PPT1: variants seen among roughly 807,000 people sequenced by gnomAD.
PPT1 encodes the protein ceroid-palmitoyl-palmitoyl-protein thioesterase 1.
A neutral mutation model predicts 44.0 loss-of-function variants in PPT1; 24 were observed. The observed-to-expected ratio is 0.54, with a 90% confidence interval of 0.39 to 0.77. The LOEUF (loss-of-function observed/expected upper bound fraction) is 0.77. PPT1 is among the 30% of genes least tolerant of loss of function. The pLI, the probability that PPT1 is intolerant of heterozygous loss-of-function variation, is 0.00. For missense variants in PPT1, 341 were observed against 378.8 expected, an observed-to-expected ratio of 0.90 and a Z score of 0.83; for synonymous variants, 148 against 140.2, an observed-to-expected ratio of 1.06 and a Z score of -0.39.
At chr1:40,080,968 A>G (rs1008175448) in intron 5 of PPT1, among the ~76,000 whole-genome samples, 1 of 152,210 alleles carries the variant, frequency 6.6e-6, no homozygotes, top group African/African-American at 2.4e-5. Context: ...GTCTGTCAAC[A>G]AGACACCTTG....
intron 5 of PPT1, among the ~76,000 whole-genome samples, chr1:40,084,862 C>T (rs1256328239): frequency 6.6e-5 from 10 of 152,234 alleles, no homozygotes; most frequent in South Asian, 2.1e-4. Flanking sequence ...CTGTCATGCC[C>T]GGACAGGGCC....
chr1:40,076,652 C>T (rs1355322823), intron 8 of PPT1, 190 bp downstream of exon 8: 1 of 1,417,958 alleles, frequency 7.1e-7, no homozygotes, highest in African/African-American at 1.4e-5. Context: ...AACCCAGTGC[C>T]TAATAAGCTA....
chr1:40,079,033 C>T (rs1648785264), intron 6 of PPT1, among the ~76,000 whole-genome samples: 1 of 152,036 alleles, frequency 6.6e-6, no homozygotes, highest in South Asian at 2.1e-4. Flanking sequence ...TCTATTGTTC[C>T]CATCTTTATA....
At chr1:40,078,854 T>C (rs751715215) in intron 6 of PPT1, 196 bp from the exon 7 acceptor site, 7 of 587,032 alleles carry the variant, frequency 1.2e-5, no homozygotes, top group African/African-American at 1.9e-5. Flanking sequence ...AAACAAAATA[T>C]TTTATTTTAG....
rs777694176 is a variant in PPT1 at position 40,074,210 on chromosome 1, TAAA to T, written c.799-30_799-28del. ...TGCAGAAGGAAAGGCCATAATTAAT[TAAA>T]AAGCTTAATGAAGTTTTGGAGTAAA... is the stretch of plus-strand genomic sequence containing the variant. On this transcript the variant is annotated intron_variant, in intron 8 of 8. Transcript: ENST00000642050. 4.3e-6 allele frequency: 7 copies of T among 1,613,640 alleles called. No homozygotes were observed. In the South Asian group the frequency reaches 6.6e-5, roughly 15 times the overall value.
chr1:40,085,394 A>G (rs1029077440), intron 5 of PPT1, among the ~76,000 whole-genome samples: 1 of 152,104 alleles, frequency 6.6e-6, no homozygotes, highest in Admixed American at 6.5e-5. Flanking sequence ...TCTTGTATCC[A>G]ATAAATATCA....
intron 5 of PPT1, among the ~76,000 whole-genome samples, chr1:40,083,486 A>T (rs1258567619): frequency 6.6e-6 from 1 of 152,164 alleles, no homozygotes; most frequent in Non-Finnish European, 1.5e-5. Flanking sequence ...AAAAAAGTTT[A>T]AAAACAAACT....
rs1045404133 is a variant in PPT1, at chr1:40,074,328, G to T, written c.799-145C>A. The T allele has an allele frequency of 3.9e-5, 37 of 947,270 alleles. No individual in the cohort carries two copies. The African/African-American group carries it at 5.0e-4, about 13-fold the overall frequency. 58.7% of individuals were successfully genotyped at this position (947,270 alleles called of 1,614,324 possible). On this transcript the variant is annotated intron_variant, in intron 8 of 8. Transcript: ENST00000642050. ...GGTGTATTTTCAAAAATGCCAAAAAGAATATCTCCTACTTCTTTTTCTTTC... is the reference window on the plus strand; with the variant it reads ...GGTGTATTTTCAAAAATGCCAAAAATAATATCTCCTACTTCTTTTTCTTTC...
At chr1:40,093,975 T>C (rs1315008119) in intron 1 of PPT1, 5 of 716,566 alleles carry the variant, frequency 7.0e-6, no homozygotes, top group South Asian at 1.5e-5. Context: ...GGAGGATTGC[T>C]TGAGGCCAAG....
At chr1:40,088,142 AC>A (rs1649359821) in intron 5 of PPT1, among the ~76,000 whole-genome samples, 1 of 149,112 alleles carries the variant, frequency 6.7e-6, no homozygotes, top group Admixed American at 6.7e-5. Context: ...TACCATCAAA[AC>A]TTTTTTTTTT....
At chr1:40,085,092 TC>T (rs1649186943) in intron 5 of PPT1, among the ~76,000 whole-genome samples, 2 of 152,190 alleles carry the variant, frequency 1.3e-5, no homozygotes, top group African/African-American at 4.8e-5. Context: ...CCTGCAGTTA[TC>T]CGGAGGCCCA....
At chr1:40,096,016 G>A (rs963087010) in intron 1 of PPT1, among the ~76,000 whole-genome samples, 2 of 152,044 alleles carry the variant, frequency 1.3e-5, no homozygotes, top group East Asian at 1.9e-4. Context: ...TTCCAGCCAC[G>A]CTGATCTGAA....
chr1:40,083,508 C>A (rs1649093081), intron 5 of PPT1, among the ~76,000 whole-genome samples: 1 of 151,996 alleles, frequency 6.6e-6, no homozygotes, highest in African/African-American at 2.4e-5. Context: ...AAAAAACAAA[C>A]AAATATTACA....
rs1648333658 is a variant in PPT1 at position 40,073,023 on chromosome 1, G to C, written c.*1038C>G. On this transcript the variant is annotated 3_prime_UTR_variant, in exon 9 of 9. Transcript: ENST00000642050. ...ACGTTAGTTTTGTTTACTGTAACAG[G>C]AATTCTCAGGAGTCCTTAGACACTC... is the stretch of plus-strand genomic sequence containing the variant. 1 of 152,228 alleles carries C rather than the reference G, an allele frequency of 6.6e-6. No homozygotes were observed. Among genetic ancestry groups the C allele is most frequent in the South Asian group, 2.1e-4 (1 of 4,830 alleles). 9.4% of individuals were successfully genotyped at this position (152,228 alleles called of 1,614,324 possible).
chr1:40,085,060 G>A (rs756377576), intron 5 of PPT1, among the ~76,000 whole-genome samples: 1 of 152,118 alleles, frequency 6.6e-6, no homozygotes, highest in Non-Finnish European at 1.5e-5. Context: ...TCTTGTGGAG[G>A]GCGTGACATC....
intron 1 of PPT1, among the ~76,000 whole-genome samples, chr1:40,094,718 T>C (rs1290938635): frequency 6.6e-6 from 1 of 152,216 alleles, no homozygotes; most frequent in Non-Finnish European, 1.5e-5. Context: ...TTATTCCATT[T>C]TCAACCTGCG....
At chr1:40,087,210 T>C (rs1303489417) in intron 5 of PPT1, among the ~76,000 whole-genome samples, 5 of 152,084 alleles carry the variant, frequency 3.3e-5, no homozygotes, top group East Asian at 3.9e-4. Flanking sequence ...GAAGTGAAGA[T>C]AAACACATCA....
rs781048683 is a variant in PPT1, at chr1:40,092,485, T to C, written c.147A>G (p.Leu49=). 2.5e-6 allele frequency: 4 copies of C among 1,613,264 alleles called. No homozygotes were observed. The highest frequency in any genetic ancestry group is 1.7e-5 in the Admixed American group (1 of 60,022). Residue 49 remains leucine (L), a synonymous_variant, in exon 2 of 9, where the codon TTA becomes TTG. Transcript: ENST00000642050. Reference sequence around the variant, plus strand: ...CCATTTTTTTAATAGCACCCATGCTTAAGGGATTGCAACAGCTGTCTCCTA... The same window carrying C: ...CCATTTTTTTAATAGCACCCATGCTCAAGGGATTGCAACAGCTGTCTCCTA... ...HGMGDSCCNP[L]SMGAIKKMVE... is the part of the protein sequence containing the mutation.
chr1:40,094,146 G>A (rs1282566833), intron 1 of PPT1: 3 of 557,878 alleles, frequency 5.4e-6, no homozygotes, highest in East Asian at 5.8e-5. Flanking sequence ...CAGATGCAAA[G>A]TTTTCTCTTC....
Sources: allele counts gnomAD v4.1 joint callset (sites outside exome capture counted in the v4.1 genomes callset), GRCh38; gene constraint gnomAD v4.1.1; transcripts MANE v1.5; gene names NCBI Gene and HGNC (gene_info 2026-07-23, HGNC 2026-07-21).